The following KLHL18 variants were observed in gnomAD, a reference collection of about 807,000 sequenced individuals.
The protein encoded by KLHL18 is kelch-like protein 18.
KLHL18 carries 38 observed loss-of-function variants against 58.5 expected under a neutral mutation model. The observed-to-expected ratio is 0.65, with a 90% confidence interval of 0.50 to 0.85. The LOEUF (loss-of-function observed/expected upper bound fraction) is 0.85, where lower values mean the gene tolerates loss of function less well. Ranked by LOEUF, KLHL18 falls within the 40% of genes least tolerant of loss-of-function variation. The pLI, the probability that KLHL18 is intolerant of heterozygous loss-of-function variation, is 0.00. For missense variants in KLHL18, 624 were observed against 778.4 expected, an observed-to-expected ratio of 0.80 and a Z score of 2.36; for synonymous variants, 303 against 301.9, an observed-to-expected ratio of 1.00 and a Z score of -0.04.
At chr3:47,309,467 C>T (rs1703238043) in intron 1 of KLHL18, among the ~76,000 whole-genome samples, 1 of 151,568 alleles carries the variant, frequency 6.6e-6, no homozygotes, top group Non-Finnish European at 1.5e-5. Context: ...GGCGGCAGGG[C>T]AGAGGCGCTC....
chr3:47,330,712 A>G (rs1703836998), intron 4 of KLHL18, among the ~76,000 whole-genome samples: 1 of 152,208 alleles, frequency 6.6e-6, no homozygotes, highest in South Asian at 2.1e-4. Flanking sequence ...TGTGAACCAG[A>G]AACAGCAAGC....
chr3:47,331,606 T>C (rs1314988542), intron 4 of KLHL18, among the ~76,000 whole-genome samples: 2 of 151,658 alleles, frequency 1.3e-5, no homozygotes, highest in Non-Finnish European at 2.9e-5. Flanking sequence ...CTAACTTTTG[T>C]ATTTTTAGTA....
chr3:47,340,576 A>G lies in KLHL18; in HGVS notation c.1126A>G (p.Met376Val). The G allele has an allele frequency of 1.2e-6, 2 of 1,613,978 alleles. No individual in the cohort carries two copies. The highest frequency in any genetic ancestry group is 1.7e-6 in the Non-Finnish European group (2 of 1,179,972). ...TGACAGCTCTGTCTGTTTCAGTGCC[A>G]TGGGGACAGTCGTGCTGGATGGGCA... is the stretch of plus-strand genomic sequence containing the variant. ...VGSMNSKRSA[M>V]GTVVLDGQIY... The change falls in exon 8 of 10, where the codon ATG becomes GTG. Residue 376 changes from methionine (M) to valine (V), a missense_variant. Met to Val is a conservative substitution (Grantham distance 21, BLOSUM62 1). Transcript: ENST00000232766.
intron 1 of KLHL18, among the ~76,000 whole-genome samples, chr3:47,286,372 T>C (rs1229384721): frequency 6.6e-6 from 1 of 152,186 alleles, no homozygotes; most frequent in East Asian, 1.9e-4. Flanking sequence ...GAAATCTATT[T>C]TGTCTCTCTT....
In KLHL18 at chr3:47,334,565, A is replaced by G. The variant is rs868368515; in HGVS notation, c.762-118A>G. 6.0e-6 allele frequency: 7 copies of G among 1,169,580 alleles called. No individual in the cohort carries two copies. In the Middle Eastern group the frequency reaches 6.3e-4, roughly 105 times the overall value. The allele number at this position is 1,169,580 out of a possible 1,614,324, so 72.5% of individuals were successfully genotyped here. A position where few individuals can be genotyped will look rare whatever the true frequency, so the allele number is the denominator to read the frequency against. ...GTTTCTTTGAGACCAGACCTTCCAG[A>G]AGGCTTCTCCTCCCAGGTTTCCCCT... On this transcript the variant is annotated intron_variant, in intron 5 of 9. Transcript: ENST00000232766. The surrounding 1 kb of genome is among the most constrained non-coding windows in gnomAD (Gnocchi z 4.7).
chr3:47,306,742 A>G (rs1703156617), intron 1 of KLHL18, among the ~76,000 whole-genome samples: 3 of 152,338 alleles, frequency 2.0e-5, no homozygotes, highest in Middle Eastern at 3.4e-3. Flanking sequence ...GTAAATTTAC[A>G]TACATTCTAG....
intron 8 of KLHL18, among the ~76,000 whole-genome samples, chr3:47,341,990 G>A (rs1704120187): frequency 6.6e-6 from 1 of 152,052 alleles, no homozygotes; most frequent in South Asian, 2.1e-4. Context: ...GAAGGCTGAG[G>A]CAGGAAGATT....
rs10586716 is a variant in KLHL18, at chr3:47,341,896, TAAA to T, written c.1227-804_1227-802del. Among the ~76,000 whole-genome samples the T allele has an allele frequency of 2.4e-3, 297 of 125,726 alleles. 1 individual carries two copies. Among genetic ancestry groups the T allele is most frequent in the Non-Finnish European group, 2.5e-3 (155 of 61,454 alleles). The allele number at this position is 125,726 out of a possible 152,430, so 82.5% of individuals were successfully genotyped here. A position where few individuals can be genotyped will look rare whatever the true frequency, so the allele number is the denominator to read the frequency against. On this transcript the variant is annotated intron_variant, in intron 8 of 9. Coordinates refer to ENST00000232766, the MANE Select transcript of KLHL18 (RefSeq NM_025010.5). Reference sequence around the variant, plus strand: ...AACATAAGAGAGACCCTGTCTCTTTTAAAAAAAAAAAAAAAAAAAAAGGAGAGA... The same window carrying T: ...AACATAAGAGAGACCCTGTCTCTTTTAAAAAAAAAAAAAAAAAAGGAGAGA...
At chr3:47,342,923 C>G in intron 9 of KLHL18, 93 bp downstream of exon 9, 2 of 923,126 alleles carry the variant, frequency 2.2e-6, no homozygotes, top group East Asian at 2.5e-5. Context: ...TCAGCCTTGC[C>G]ACAGCTGAAT....
At chr3:47,297,532 A>G in intron 1 of KLHL18, 1 of 456,618 alleles carries the variant, frequency 2.2e-6, no homozygotes, top group African/African-American at 2.0e-5. Context: ...CCTAAGCCTC[A>G]CCATCTTTTT....
chr3:47,342,225 G>C (rs1704125519), intron 8 of KLHL18, among the ~76,000 whole-genome samples: 1 of 152,212 alleles, frequency 6.6e-6, no homozygotes, highest in African/African-American at 2.4e-5. Flanking sequence ...GGACTGGTAG[G>C]AAAGCCAGGC....
At chr3:47,295,099 A>T (rs899296347) in intron 1 of KLHL18, among the ~76,000 whole-genome samples, 2 of 152,180 alleles carry the variant, frequency 1.3e-5, no homozygotes, top group African/African-American at 4.8e-5. Context: ...CTGAGGGGTA[A>T]TGGGAATGCA....
rs143506496 is a variant in KLHL18, at chr3:47,319,718, T to C, written c.195T>C (p.Ala65=). The change falls in exon 2 of 10, where the codon GCT becomes GCC. Residue 65 remains alanine, a synonymous_variant. Coordinates refer to ENST00000232766, the MANE Select transcript of KLHL18 (RefSeq NM_025010.5). The stretch of plus-strand genomic sequence containing the variant: ...CAGCCTCGATCCCGTATTTCCATGC[T>C]ATGTTTACAAATGACATGATGGAGT... The part of the protein sequence containing the change: ...VLAASIPYFH[A]MFTNDMMECK... 5.6e-6 allele frequency: 9 copies of C among 1,613,942 alleles called. No individual in the cohort carries two copies. In the African/African-American group the frequency reaches 6.7e-5, roughly 12 times the overall value.
chr3:47,308,583 G>A (rs1215058327), intron 1 of KLHL18, among the ~76,000 whole-genome samples: 1 of 152,104 alleles, frequency 6.6e-6, no homozygotes, highest in Non-Finnish European at 1.5e-5. Flanking sequence ...TAGAGACGGG[G>A]TTTCACCATG....
chr3:47,290,423 T>C (rs1376848377), intron 1 of KLHL18, among the ~76,000 whole-genome samples: 1 of 152,216 alleles, frequency 6.6e-6, no homozygotes, highest in Non-Finnish European at 1.5e-5. Context: ...ATTTTTCATG[T>C]AGTTAGGTTT....
At chr3:47,295,991 G>A (rs116447413) in intron 1 of KLHL18, among the ~76,000 whole-genome samples, 235 of 152,292 alleles carry the variant, frequency 1.5e-3, no homozygotes, top group African/African-American at 5.3e-3. Context: ...CCCTCCAGGT[G>A]TAGTTCATCT....
chr3:47,292,237 G>A (rs1042733811), intron 1 of KLHL18, among the ~76,000 whole-genome samples: 5 of 152,194 alleles, frequency 3.3e-5, no homozygotes, highest in African/African-American at 1.2e-4. Context: ...CACTTTGGGA[G>A]GCCAGGGTGG....
intron 1 of KLHL18, among the ~76,000 whole-genome samples, chr3:47,306,491 T>C (rs923034390): frequency 3.3e-5 from 5 of 152,244 alleles, no homozygotes; most frequent in Admixed American, 6.5e-5. Context: ...ATGAATAATG[T>C]TCCATTATAT....
At chr3:47,331,206 C>T (rs1284329917) in intron 4 of KLHL18, among the ~76,000 whole-genome samples, 1 of 152,010 alleles carries the variant, frequency 6.6e-6, no homozygotes, top group Admixed American at 6.6e-5. Context: ...CAGCTCACTG[C>T]ACCTCTGCCT....
Sources: allele counts gnomAD v4.1 joint callset (sites outside exome capture counted in the v4.1 genomes callset), GRCh38; gene constraint gnomAD v4.1.1; non-coding constraint Gnocchi (gnomAD v3.1); transcripts MANE v1.5; gene names NCBI Gene and HGNC (gene_info 2026-07-23, HGNC 2026-07-21).